Variants in SLC35F4 observed in about 807,000 individuals in gnomAD.
The protein encoded by SLC35F4 is chromosome 14 open reading frame 36.
SLC35F4 carries 24 observed loss-of-function variants against 44.2 expected under a neutral mutation model. The ratio of observed to expected loss-of-function variants is 0.54; its 90% CI spans 0.39 to 0.76. SLC35F4 has a LOEUF of 0.76. SLC35F4 is among the 30% of genes least tolerant of loss of function. The pLI is 0.00. For missense variants in SLC35F4, 562 were observed against 586.1 expected (o/e 0.96, Z 0.42); for synonymous variants, 238 against 223.6 (o/e 1.06, Z -0.57).
intron 1 of SLC35F4, among the ~76,000 whole-genome samples, chr14:57,625,427 T>A (rs2072423377): frequency 6.6e-6 from 1 of 152,200 alleles, no homozygotes; most frequent in Non-Finnish European, 1.5e-5. Flanking sequence ...CCATTGACTT[T>A]CTTGAAAGAA....
At chr14:57,584,308 T>TA (rs552847458) in intron 3 of SLC35F4, among the ~76,000 whole-genome samples, 13 of 152,210 alleles carry the variant, frequency 8.5e-5, no homozygotes, top group South Asian at 2.1e-4. Flanking sequence ...ATATTACTGA[T>TA]AAAAAAATAC....
intron 1 of SLC35F4, among the ~76,000 whole-genome samples, chr14:57,929,642 G>A (rs116762481): frequency 1.6e-3 from 249 of 152,206 alleles, no homozygotes; most frequent in African/African-American, 5.8e-3. Context: ...CCTTAACCAC[G>A]GTCATTACCA....
intron 1 of SLC35F4, among the ~76,000 whole-genome samples, chr14:57,744,119 C>A (rs563502473): frequency 5.3e-5 from 8 of 152,304 alleles, no homozygotes; most frequent in Admixed American, 2.0e-4. Context: ...CAGCCAATAT[C>A]ATACTGAATG....
rs952328240 is a variant in SLC35F4 at position 57,689,489 on chromosome 14, C to A, written c.104-95365G>T. ...CAACAGAGCAGGAAGAACAAAAAAA[C>A]CCTGCTCCCGGTCTCACTGTCCACC... On this transcript the variant is annotated intron_variant, in intron 1 of 7. Coordinates refer to ENST00000556826, the MANE Select transcript of SLC35F4 (RefSeq NM_001306087.2). Among the ~76,000 whole-genome samples the A allele has an allele frequency of 3.3e-5, 5 of 152,202 alleles. 1 individual carries two copies. Among genetic ancestry groups the A allele is most frequent in the South Asian group, 2.1e-4 (1 of 4,822 alleles).
At chr14:57,822,701 G>A (rs1418809257) in intron 1 of SLC35F4, among the ~76,000 whole-genome samples, 4 of 152,144 alleles carry the variant, frequency 2.6e-5, no homozygotes, top group South Asian at 2.1e-4. Context: ...TGTCCAAGGG[G>A]TCTCTCCTAG....
At chr14:57,885,188 C>A (rs751509346) in intron 1 of SLC35F4, among the ~76,000 whole-genome samples, 23 of 152,156 alleles carry the variant, frequency 1.5e-4, no homozygotes, top group Non-Finnish European at 3.2e-4. Flanking sequence ...AATGCATACT[C>A]TGGACCTAGT....
intron 1 of SLC35F4, among the ~76,000 whole-genome samples, chr14:57,956,066 C>T (rs973686255): frequency 6.6e-6 from 1 of 152,126 alleles, no homozygotes; most frequent in Non-Finnish European, 1.5e-5. Context: ...ATAAACAAAA[C>T]AGCATGGTAC....
chr14:57,664,871 C>A (rs753550154), intron 1 of SLC35F4, among the ~76,000 whole-genome samples: 1 of 152,116 alleles, frequency 6.6e-6, no homozygotes, highest in Non-Finnish European at 1.5e-5. Flanking sequence ...ATCTACTAAG[C>A]CACAGTGAAA....
chr14:57,583,598 T>G (rs914292394), intron 3 of SLC35F4, among the ~76,000 whole-genome samples: 6 of 152,194 alleles, frequency 3.9e-5, no homozygotes, highest in African/African-American at 1.4e-4. Context: ...GCAGAGCAGC[T>G]GGGAAGACGC....
chr14:57,616,278 C>T (rs1266612914), intron 1 of SLC35F4, among the ~76,000 whole-genome samples: 3 of 152,232 alleles, frequency 2.0e-5, no homozygotes, highest in Middle Eastern at 3.4e-3. Flanking sequence ...ATAACATATA[C>T]CATCTTAGCG....
chr14:57,839,044 T>A (rs1029526286), intron 1 of SLC35F4, among the ~76,000 whole-genome samples: 5 of 151,978 alleles, frequency 3.3e-5, no homozygotes, highest in Admixed American at 3.3e-4. Context: ...GACACAGGGG[T>A]CTTAAGGTTA....
intron 1 of SLC35F4, among the ~76,000 whole-genome samples, chr14:57,691,404 A>T (rs1406198953): frequency 2.0e-5 from 3 of 152,214 alleles, no homozygotes; most frequent in Non-Finnish European, 4.4e-5. Flanking sequence ...TATACATGTT[A>T]TAAAATTATA....
chr14:57,741,803 A>T (rs967370334), intron 1 of SLC35F4, among the ~76,000 whole-genome samples: 4 of 152,226 alleles, frequency 2.6e-5, no homozygotes, highest in Admixed American at 6.5e-5. Context: ...CGAAGAAAAA[A>T]TGTTAAGGGC....
Position 57,564,061 on chromosome 14 carries a change from A to T in SLC35F4, c.*74T>A. 2.6e-6 allele frequency: 4 copies of T among 1,522,444 alleles called. No homozygotes were observed. Among genetic ancestry groups the T allele is most frequent in the Non-Finnish European group, 3.6e-6 (4 of 1,116,168 alleles). 94.3% of individuals were successfully genotyped at this position (1,522,444 alleles called of 1,614,324 possible). A position where few individuals can be genotyped will look rare whatever the true frequency, so the allele number is the denominator to read the frequency against. The stretch of plus-strand genomic sequence containing the variant: ...AATTCAGAGTTAATACTGTCGTTTG[A>T]GTGTACAGGTAGTGAGAAAATTTTG... On this transcript the variant is annotated 3_prime_UTR_variant, in exon 8 of 8. Transcript: ENST00000556826.
At chr14:57,745,715 C>T (rs958822851) in intron 1 of SLC35F4, among the ~76,000 whole-genome samples, 3 of 152,078 alleles carry the variant, frequency 2.0e-5, no homozygotes, top group African/African-American at 7.2e-5. Flanking sequence ...ACCATTTGAC[C>T]CAGCCATCCC....
intron 1 of SLC35F4, among the ~76,000 whole-genome samples, chr14:57,708,609 G>C (rs1289387047): frequency 1.3e-5 from 2 of 152,184 alleles, no homozygotes; most frequent in African/African-American, 4.8e-5. Context: ...GGAACTTGTA[G>C]GGTACAGCCC....
chr14:57,667,611 T>G (rs1329583984), intron 1 of SLC35F4, among the ~76,000 whole-genome samples: 1 of 151,700 alleles, frequency 6.6e-6, no homozygotes, highest in Admixed American at 6.6e-5. Flanking sequence ...TGTGATAGTT[T>G]GCTGAGAATG....
intron 1 of SLC35F4, among the ~76,000 whole-genome samples, chr14:57,801,124 G>A (rs901721555): frequency 2.0e-5 from 3 of 152,064 alleles, no homozygotes; most frequent in African/African-American, 4.8e-5. Context: ...AGAAAGGCTG[G>A]GCCACCTACA....
intron 1 of SLC35F4, among the ~76,000 whole-genome samples, chr14:57,963,750 T>C (rs1413940035): frequency 5.5e-5 from 7 of 127,330 alleles, no homozygotes. Context: ...CAGAGACAAG[T>C]CTCATTTTGT....
Sources: gnomAD v4.1 joint callset for allele counts (sites outside exome capture counted in the v4.1 genomes callset) on GRCh38, gnomAD v4.1.1 for gene constraint, MANE v1.5 for transcripts, NCBI Gene and HGNC (gene_info 2026-07-23, HGNC 2026-07-21) for gene names.